CDV3: variants seen among roughly 807,000 people sequenced by gnomAD.
The protein encoded by CDV3 is CDV3 homolog, also known as protein CDV3 homolog.
A neutral mutation model predicts 24.5 loss-of-function variants in CDV3; 14 were observed. That is an observed-to-expected ratio of 0.57 (90% CI 0.38 to 0.89). The LOEUF is 0.89. CDV3 is among the 40% of genes least tolerant of loss of function. CDV3 has a pLI of 0.00. For missense variants in CDV3, 304 were observed against 310.2 expected, an observed-to-expected ratio of 0.98 and a Z score of 0.15; for synonymous variants, 114 against 114.1, an observed-to-expected ratio of 1.00 and a Z score of 0.00.
chr3:133,587,233 G>T (rs1294182603), intron 4 of CDV3: 2 of 1,301,444 alleles, frequency 1.5e-6, no homozygotes, highest in South Asian at 2.6e-5. Flanking sequence ...TTAGGGACAT[G>T]AATTTTTTAA....
At chr3:133,576,834 A>G (rs1436068700) in intron 2 of CDV3, among the ~76,000 whole-genome samples, 2 of 49,172 alleles carry the variant, frequency 4.1e-5, no homozygotes, top group Admixed American at 3.4e-4. Context: ...ACCTGAAGGT[A>G]GACTAGCTTT....
intron 4 of CDV3, chr3:133,587,218 T>A (rs1933699463): frequency 4.5e-6 from 6 of 1,327,554 alleles, no homozygotes; most frequent in Non-Finnish European, 5.9e-6. Context: ...CATCTACATC[T>A]TACTTTAGGG....
At chr3:133,574,926 A>G in intron 1 of CDV3, 113 bp from the exon 2 acceptor site, 1 of 775,884 alleles carries the variant, frequency 1.3e-6, no homozygotes, top group Non-Finnish European at 2.1e-6. Context: ...CCAGAAGACA[A>G]GTACATACTT....
chr3:133,577,587 C>T (rs375523469), intron 2 of CDV3, among the ~76,000 whole-genome samples: 15 of 152,178 alleles, frequency 9.9e-5, no homozygotes, highest in African/African-American at 2.4e-4. Flanking sequence ...CTCAAACTCC[C>T]GACCTCGGGT....
At chr3:133,580,105 C>T (rs899895343) in intron 2 of CDV3, among the ~76,000 whole-genome samples, 2 of 152,040 alleles carry the variant, frequency 1.3e-5, no homozygotes, top group Non-Finnish European at 2.9e-5. Context: ...TTTCTCCTAA[C>T]GCTATCCCTC....
At chr3:133,577,092 C>T (rs1030453076) in intron 2 of CDV3, among the ~76,000 whole-genome samples, 30 of 151,796 alleles carry the variant, frequency 2.0e-4, no homozygotes, top group Admixed American at 5.9e-4. Flanking sequence ...GTGATCCGCC[C>T]GCCTCAGCCT....
intron 2 of CDV3, among the ~76,000 whole-genome samples, chr3:133,583,130 A>C (rs1399263952): frequency 6.6e-6 from 1 of 152,216 alleles, no homozygotes; most frequent in Non-Finnish European, 1.5e-5. Flanking sequence ...TCCATTTATA[A>C]CATCTGGAAA....
At chr3:133,584,206 A>AAAT in intron 3 of CDV3, 56 bp downstream of exon 3, 1 of 1,338,286 alleles carries the variant, frequency 7.5e-7, no homozygotes, top group Non-Finnish European at 1.0e-6. Flanking sequence ...GATTTTATAT[A>AAAT]TGGTCCACTT....
In CDV3 at chr3:133,574,244, G is replaced by C. The variant is rs1576629963; in HGVS notation, c.200G>C (p.Gly67Ala). 2.0e-6 allele frequency: 2 copies of C among 991,488 alleles called. No homozygotes were observed. The highest frequency in any genetic ancestry group is 4.5e-5 in the South Asian group (1 of 22,180). The allele number at this position is 991,488 out of a possible 1,614,324, so 61.4% of individuals were successfully genotyped here. ...GGTGACGGCGGGACCGCCAGCGCGG[G>C]GGCTGCGGGCCCAGGGGCCGCCACC... ...RPGDGGTASA[G>A]AAGPGAATKA... The change falls in exon 1 of 5, where the codon GGG becomes GCG. Residue 67 changes from glycine (G) to alanine (A), a missense_variant. Transcript: ENST00000264993.
intron 2 of CDV3, among the ~76,000 whole-genome samples, chr3:133,579,846 G>C (rs928774154): frequency 1.2e-4 from 18 of 152,176 alleles, no homozygotes; most frequent in Admixed American, 9.8e-4. Context: ...GCCCGCCTCT[G>C]CCTCCCAAGA....
chr3:133,574,539 C>G, intron 1 of CDV3: 1 of 986,074 alleles, frequency 1.0e-6, no homozygotes, highest in Non-Finnish European at 1.2e-6. Context: ...GCGCCACCCT[C>G]CGGGGGCACT....
At chr3:133,574,305 C>A in intron 1 of CDV3, 21 bp downstream of exon 1, 2 of 958,690 alleles carry the variant, frequency 2.1e-6, no homozygotes, top group Non-Finnish European at 2.5e-6. Context: ...GGGAGGCCGG[C>A]ACTCGGGGCC....
chr3:133,588,460 T>TG lies in CDV3; in HGVS notation c.*415dup. 8.1e-7 allele frequency: 1 copy of TG among 1,239,266 alleles called. No individual in the cohort carries two copies. Among genetic ancestry groups the TG allele is most frequent in the Non-Finnish European group, 1.1e-6 (1 of 880,174 alleles). The allele number at this position is 1,239,266 out of a possible 1,614,324, so 76.8% of individuals were successfully genotyped here. On this transcript the variant is annotated 3_prime_UTR_variant, in exon 5 of 5. Coordinates refer to ENST00000264993, the MANE Select transcript of CDV3 (RefSeq NM_017548.5). ...GAAGATTACAACTATTAAGTGTCGA[T>TG]GTGAACCTTGCAACCAGCTCTACTG...
chr3:133,580,457 C>T (rs2074972088), intron 2 of CDV3, among the ~76,000 whole-genome samples: 1 of 152,190 alleles, frequency 6.6e-6, no homozygotes, highest in Non-Finnish European at 1.5e-5. Flanking sequence ...AATCTCAGTA[C>T]TCTGGGAGGC....
chr3:133,578,265 C>T (rs572052010), intron 2 of CDV3, among the ~76,000 whole-genome samples: 23 of 152,176 alleles, frequency 1.5e-4, no homozygotes, highest in Admixed American at 1.5e-3. Flanking sequence ...AGCTGCTAGG[C>T]CCAGCCACTT....
rs780121959 is a variant in CDV3, at chr3:133,587,221, CT to C, written c.626+502del. 5.3e-5 allele frequency: 69 copies of C among 1,311,548 alleles called. 4 individuals carry two copies. The highest frequency in any genetic ancestry group is 2.0e-4 in the African/African-American group (13 of 66,014). 81.2% of individuals were successfully genotyped at this position (1,311,548 alleles called of 1,614,324 possible). On this transcript the variant is annotated intron_variant, in intron 4 of 4. Transcript: ENST00000264993. The stretch of plus-strand genomic sequence containing the variant: ...CTACATATGGCACATCTACATCTTA[CT>C]TTAGGGACATGAATTTTTTAAAATA...
chr3:133,587,212 T>C, intron 4 of CDV3: 1 of 1,334,894 alleles, frequency 7.5e-7, no homozygotes, highest in Non-Finnish European at 9.8e-7. Flanking sequence ...ATGGCACATC[T>C]ACATCTTACT....
At chr3:133,576,289 A>G (rs1357344201) in intron 2 of CDV3, among the ~76,000 whole-genome samples, 1 of 152,196 alleles carries the variant, frequency 6.6e-6, no homozygotes, top group Non-Finnish European at 1.5e-5. Context: ...AGTAGAAGTG[A>G]TTAGACTTGA....
At position 133,584,126 on chromosome 3, in the gene CDV3, C is replaced by A; in HGVS notation, c.442C>A (p.Gln148Lys). Residue 148 changes from glutamine (Q) to lysine (K), a missense_variant, in exon 3 of 5, where the codon CAA becomes AAA. Transcript: ENST00000264993. ...SGPWNKTAPV[Q>K]APPAPVIVTE... ...TCCCTGGAATAAAACAGCTCCAGTA[C>A]AAGCACCTCCTGCTCCAGTAATTGG... is the stretch of plus-strand genomic sequence containing the variant. 1 of 1,609,578 alleles carries A rather than the reference C, an allele frequency of 6.2e-7. No homozygotes were observed.
Sources: gnomAD v4.1 joint callset for allele counts (sites outside exome capture counted in the v4.1 genomes callset) on GRCh38, gnomAD v4.1.1 for gene constraint, MANE v1.5 for transcripts, NCBI Gene and HGNC (gene_info 2026-07-23, HGNC 2026-07-21) for gene names.